AK8: variants seen among roughly 807,000 people sequenced by gnomAD.
AK8 encodes the protein ATP-AMP transphosphorylase 8.
AK8 carries 44 observed loss-of-function variants against 54.6 expected under a neutral mutation model. The ratio of observed to expected loss-of-function variants is 0.81; its 90% confidence interval spans 0.63 to 1.04. AK8 has a LOEUF of 1.04. Among genes scored for constraint, AK8 ranks in the 50% least tolerant of loss-of-function variants. The pLI is 0.00. For missense variants in AK8, 555 were observed against 613.6 expected (o/e 0.90, Z 1.01); for synonymous variants, 239 against 245.6 (o/e 0.97, Z 0.25).
At chr9:132,853,124 AG>A (rs1201474564) in intron 5 of AK8, among the ~76,000 whole-genome samples, 1 of 152,090 alleles carries the variant, frequency 6.6e-6, no homozygotes, top group Non-Finnish European at 1.5e-5. Context: ...TGGGAGGCCA[AG>A]GCGGGTGGAT....
At chr9:132,726,156 T>C (rs1220532497) in intron 12 of AK8, among the ~76,000 whole-genome samples, 4 of 152,064 alleles carry the variant, frequency 2.6e-5, no homozygotes, top group Admixed American at 2.6e-4. Context: ...AGATCAGTGA[T>C]AGGAGGACAG....
intron 9 of AK8, 80 bp downstream of exon 9, chr9:132,823,125 T>G: frequency 4.0e-5 from 58 of 1,444,472 alleles, no homozygotes; most frequent in Middle Eastern, 5.1e-4. Flanking sequence ...CCACCCCCCA[T>G]AAAATGAGAG....
intron 10 of AK8, among the ~76,000 whole-genome samples, chr9:132,804,414 T>A (rs1840618911): frequency 6.6e-6 from 1 of 151,954 alleles, no homozygotes; most frequent in Non-Finnish European, 1.5e-5. Context: ...CATCTCCCAG[T>A]AAAAACCAAC....
chr9:132,740,189 C>T (rs966495363), intron 11 of AK8, among the ~76,000 whole-genome samples: 26 of 152,238 alleles, frequency 1.7e-4, no homozygotes, highest in African/African-American at 5.3e-4. Context: ...TTTACCAACA[C>T]GGGTACTGGT....
At chr9:132,752,374 C>T (rs1043567102) in intron 11 of AK8, among the ~76,000 whole-genome samples, 1 of 151,492 alleles carries the variant, frequency 6.6e-6, no homozygotes. Context: ...CTCTGCCTCC[C>T]GAGCAGCTGG....
At chr9:132,796,574 C>T (rs1175717554) in intron 10 of AK8, among the ~76,000 whole-genome samples, 1 of 152,060 alleles carries the variant, frequency 6.6e-6, no homozygotes, top group Non-Finnish European at 1.5e-5. Flanking sequence ...AAAGAAGGTA[C>T]ATCTCTGCAA....
chr9:132,823,239 G>C lies in AK8; in HGVS notation c.855C>G (p.Ala285=). 3 of 1,601,918 alleles carry C rather than the reference G, an allele frequency of 1.9e-6. No individual in the cohort carries two copies. In the Admixed American group the frequency reaches 5.2e-5, roughly 28 times the overall value. Residue 285 remains alanine (A), a synonymous_variant, in exon 9 of 13, where the codon GCC becomes GCG. Transcript: ENST00000298545. ...GCCTGTATTTCTGGGCCAGGAGGGC[G>C]GCCTGCAGACTTTTCCCACTGCCCA... is the stretch of plus-strand genomic sequence containing the variant. ...GPVGSGKSLQ[A]ALLAQKYRLV... is the part of the protein sequence containing the mutation.
chr9:132,859,538 T>C (rs1256528787), intron 4 of AK8, among the ~76,000 whole-genome samples: 3 of 151,734 alleles, frequency 2.0e-5, no homozygotes, highest in South Asian at 2.1e-4. Flanking sequence ...ACAGTAGAAA[T>C]TGAAGGCTCA....
intron 11 of AK8, among the ~76,000 whole-genome samples, chr9:132,760,066 C>G (rs1400818498): frequency 6.6e-6 from 1 of 152,202 alleles, no homozygotes; most frequent in Non-Finnish European, 1.5e-5. Context: ...GAGACATTGC[C>G]TCCCTCTTAG....
rs562913680 is a variant in AK8 at position 132,838,258 on chromosome 9, G to C, written c.403-9532C>G. Among the ~76,000 whole-genome samples the C allele has an allele frequency of 4.6e-3, 689 of 148,712 alleles. 7 individuals carry two copies. Among genetic ancestry groups the C allele is most frequent in the African/African-American group, 0.016 (658 of 41,080 alleles). ...TCTAAGACCAAAGAGGAGGAAAAAA[G>C]ACTATAGAAACCCACCATGTAAATT... On this transcript the variant is annotated intron_variant, in intron 5 of 12. Coordinates refer to ENST00000298545, the MANE Select transcript of AK8 (RefSeq NM_152572.3).
chr9:132,765,218 A>G lies in AK8; in HGVS notation c.1121+27416T>C, dbSNP rs534756379. On this transcript the variant is annotated intron_variant, in intron 11 of 12. Transcript: ENST00000298545. ...TGAGGCGGGAGAGTTGCTTGAGCCC[A>G]GGGGGCGGAGGTTGTAGTGAGCCAA... is the stretch of plus-strand genomic sequence containing the variant. Among the ~76,000 whole-genome samples, 21 of 122,924 alleles carry G rather than the reference A, an allele frequency of 1.7e-4. No individual in the cohort carries two copies. In the South Asian group the frequency reaches 2.1e-3, roughly 12 times the overall value. 80.6% of individuals were successfully genotyped at this position (122,924 alleles called of 152,430 possible). A position where few individuals can be genotyped will look rare whatever the true frequency, so the allele number is the denominator to read the frequency against.
At chr9:132,849,807 G>A (rs1326925294) in intron 5 of AK8, among the ~76,000 whole-genome samples, 1 of 152,046 alleles carries the variant, frequency 6.6e-6, no homozygotes, top group African/African-American at 2.4e-5. Flanking sequence ...GAGTGCCGTG[G>A]TGCGTGTCGG....
At chr9:132,829,891 T>C (rs1842036217) in intron 5 of AK8, among the ~76,000 whole-genome samples, 1 of 152,180 alleles carries the variant, frequency 6.6e-6, no homozygotes, top group African/African-American at 2.4e-5. Context: ...GAAAGTAATA[T>C]ACAATCATTG....
intron 11 of AK8, among the ~76,000 whole-genome samples, chr9:132,736,101 G>T (rs950863004): frequency 6.6e-6 from 1 of 151,860 alleles, no homozygotes; most frequent in East Asian, 1.9e-4. Flanking sequence ...AATCTTATGG[G>T]ACCACCATTG....
In AK8 at chr9:132,800,732, G is replaced by A. The variant is rs143781302; in HGVS notation, c.980-7957C>T. The stretch of plus-strand genomic sequence containing the variant: ...AGAGAAGTCAGTACATCAGCCCTGG[G>A]TGCCCTGCAGACTAGGAGGCCATGT... On this transcript the variant is annotated intron_variant, in intron 10 of 12. Coordinates refer to ENST00000298545, the MANE Select transcript of AK8 (RefSeq NM_152572.3). Among the ~76,000 whole-genome samples, 735 of 152,198 alleles carry A rather than the reference G, an allele frequency of 4.8e-3. 7 individuals carry two copies. Among genetic ancestry groups the A allele is most frequent in the African/African-American group, 0.016 (677 of 41,514 alleles).
chr9:132,764,122 T>G (rs1838612641), intron 11 of AK8, among the ~76,000 whole-genome samples: 2 of 152,098 alleles, frequency 1.3e-5, no homozygotes. Context: ...CTAGGCAACA[T>G]GGTGAAACCC....
chr9:132,763,609 G>C (rs1426761538), intron 11 of AK8, among the ~76,000 whole-genome samples: 1 of 152,148 alleles, frequency 6.6e-6, no homozygotes, highest in Non-Finnish European at 1.5e-5. Context: ...ATTCAAATAA[G>C]GCAAATGCCA....
At chr9:132,815,035 T>G (rs1841261055) in intron 9 of AK8, among the ~76,000 whole-genome samples, 1 of 152,236 alleles carries the variant, frequency 6.6e-6, no homozygotes, top group Non-Finnish European at 1.5e-5. Context: ...AGGGCCTCGC[T>G]GCACCTGGAA....
At chr9:132,851,313 C>T (rs1046222036) in intron 5 of AK8, among the ~76,000 whole-genome samples, 2 of 152,216 alleles carry the variant, frequency 1.3e-5, no homozygotes, top group African/African-American at 4.8e-5. Flanking sequence ...TTCTCCAGTC[C>T]CAAGAGAACA....
Sources: gnomAD v4.1 joint callset for allele counts (sites outside exome capture counted in the v4.1 genomes callset) on GRCh38, gnomAD v4.1.1 for gene constraint, MANE v1.5 for transcripts, NCBI Gene and HGNC (gene_info 2026-07-23, HGNC 2026-07-21) for gene names.